Variants in FRYL observed in about 807,000 individuals in gnomAD.
FRYL encodes protein furry homolog-like.
FRYL carries 150 observed loss-of-function variants against 351.2 expected under a neutral mutation model. That is an observed-to-expected ratio of 0.43 (90% CI 0.37 to 0.49). The LOEUF is 0.49. Ranked by LOEUF, FRYL falls within the 20% of genes least tolerant of loss-of-function variation. The pLI, the probability that FRYL is intolerant of heterozygous loss-of-function variation, is 0.00. For missense variants in FRYL, 3,036 were observed against 3,619.3 expected, an observed-to-expected ratio of 0.84 and a Z score of 4.13; for synonymous variants, 1,153 against 1,257.1, an observed-to-expected ratio of 0.92 and a Z score of 1.75.
At position 48,653,646 on chromosome 4, in the gene FRYL, G is replaced by A; in HGVS notation, c.-80-19156C>T. 8.6e-6 allele frequency: 9 copies of A among 1,052,326 alleles called. 1 individual carries two copies. In the South Asian group the frequency reaches 1.2e-4, roughly 14 times the overall value. 65.2% of individuals were successfully genotyped at this position (1,052,326 alleles called of 1,614,324 possible). A position where few individuals can be genotyped will look rare whatever the true frequency, so the allele number is the denominator to read the frequency against. ...CTATTTGGATTGGTCTGAAGAATCA[G>A]CATGCAAGGAATGGCAATGATAATA... On this transcript the variant is annotated intron_variant, in intron 3 of 63. Transcript: ENST00000358350.
At chr4:48,505,275 G>A (rs1348617417) in intron 60 of FRYL, 77 of 451,006 alleles carry the variant, frequency 1.7e-4, no homozygotes, top group Non-Finnish European at 1.8e-4. Flanking sequence ...CTTAAAAGCC[G>A]ACCTGGACTG....
intron 1 of FRYL, among the ~76,000 whole-genome samples, chr4:48,720,274 G>C (rs1384292026): frequency 9.2e-5 from 14 of 151,980 alleles, no homozygotes; most frequent in Admixed American, 9.2e-4. Context: ...GAGGTGGGGA[G>C]ATCATGAGGT....
At chr4:48,632,842 C>T (rs1489693493) in intron 4 of FRYL, among the ~76,000 whole-genome samples, 1 of 152,136 alleles carries the variant, frequency 6.6e-6, no homozygotes, top group African/African-American at 2.4e-5. Context: ...AAAATAAGAG[C>T]ATTGACAATA....
At chr4:48,712,426 A>C (rs2149593339) in intron 1 of FRYL, among the ~76,000 whole-genome samples, 1 of 152,360 alleles carries the variant, frequency 6.6e-6, no homozygotes, top group African/African-American at 2.4e-5. Flanking sequence ...AGAATGCAGA[A>C]GCCTCAAGAG....
At chr4:48,679,590 G>A (rs1013768186) in intron 3 of FRYL, among the ~76,000 whole-genome samples, 2 of 152,014 alleles carry the variant, frequency 1.3e-5, no homozygotes, top group African/African-American at 2.4e-5. Flanking sequence ...CAAAATTGCA[G>A]CTAGATAGGA....
chr4:48,525,955 A>T (rs1726099698), intron 53 of FRYL, among the ~76,000 whole-genome samples: 2 of 151,848 alleles, frequency 1.3e-5, no homozygotes, highest in Non-Finnish European at 2.9e-5. Context: ...ATGAGAGTTG[A>T]TGAATGTGTA....
At chr4:48,627,483 CAA>C (rs1752059942) in intron 4 of FRYL, among the ~76,000 whole-genome samples, 1 of 152,104 alleles carries the variant, frequency 6.6e-6, no homozygotes, top group African/African-American at 2.4e-5. Context: ...TGTTTCATAA[CAA>C]ATCCATACTT....
chr4:48,757,355 C>A (rs1387042712), intron 1 of FRYL, among the ~76,000 whole-genome samples: 2 of 152,126 alleles, frequency 1.3e-5, no homozygotes, highest in African/African-American at 4.8e-5. Flanking sequence ...TGTCTCAGCC[C>A]AAAATCTCCT....
chr4:48,512,446 A>G lies in FRYL; in HGVS notation c.8145+35T>C, dbSNP rs754328241. 2.6e-5 allele frequency: 38 copies of G among 1,460,860 alleles called. 1 individual carries two copies. In the South Asian group the frequency reaches 2.9e-4, roughly 11 times the overall value. The allele number at this position is 1,460,860 out of a possible 1,614,324, so 90.5% of individuals were successfully genotyped here. On this transcript the variant is annotated intron_variant, in intron 57 of 63. Coordinates refer to ENST00000358350, the MANE Select transcript of FRYL (RefSeq NM_015030.2). ...AAAACTGTAACTTGATTAGGTAACT[A>G]TAATATGAATTCAGAAACCCTGAAC...
Position 48,582,505 on chromosome 4 carries a change from C to A in FRYL, c.1978G>T (p.Asp660Tyr). Residue 660 changes from aspartate to tyrosine, a missense_variant, in exon 20 of 64, where the codon GAC becomes TAC. Asp to Tyr is a radical substitution (Grantham distance 160, BLOSUM62 -3). Around this residue, in one of 7 missense-constraint regions of FRYL, gnomAD observed 492 missense variants for 551.5 expected, o/e 0.89. Coordinates refer to ENST00000358350, the MANE Select transcript of FRYL (RefSeq NM_015030.2). ...AGAAAAGAATCTGGTACCTGAGTGT[C>A]CTGGTTTTTATTATGCATTTGGGCT... is the stretch of plus-strand genomic sequence containing the variant. The part of the protein sequence containing the change: ...QAAQMHNKNQ[D>Y]TQHGVANGAS... 6.2e-7 allele frequency: 1 copy of A among 1,606,036 alleles called. No homozygotes were observed. The highest frequency in any genetic ancestry group is 8.5e-7 in the Non-Finnish European group (1 of 1,172,840).
intron 7 of FRYL, among the ~76,000 whole-genome samples, chr4:48,614,009 TG>T (rs1307662170): frequency 1.1e-4 from 16 of 150,512 alleles, no homozygotes; most frequent in Admixed American, 8.6e-4. Context: ...AAGAAAACTT[TG>T]GTCTTATCAT....
chr4:48,675,514 C>T (rs879399367), intron 3 of FRYL, among the ~76,000 whole-genome samples: 1 of 152,250 alleles, frequency 6.6e-6, no homozygotes, highest in Admixed American at 6.5e-5. Context: ...GTACTGGGTC[C>T]CCCAGCAGTG....
intron 10 of FRYL, among the ~76,000 whole-genome samples, 162 bp downstream of exon 10, chr4:48,606,276 G>GA (rs1040447059): frequency 2.3e-4 from 33 of 141,764 alleles, no homozygotes; most frequent in Admixed American, 2.8e-4. Flanking sequence ...CTGTCTCAAG[G>GA]AAAAAAAAAA....
intron 3 of FRYL, among the ~76,000 whole-genome samples, chr4:48,672,322 A>C (rs1762884478): frequency 6.6e-6 from 1 of 152,192 alleles, no homozygotes; most frequent in Non-Finnish European, 1.5e-5. Context: ...GCCCCCCATC[A>C]TGACTGTAGG....
chr4:48,723,170 T>G (rs9790336), intron 1 of FRYL, among the ~76,000 whole-genome samples: 62,834 of 151,716 alleles, frequency 0.41, 14,316 homozygotes, highest in Admixed American at 0.56. Flanking sequence ...TGAGACAGGA[T>G]CTTGCTTTGT....
intron 1 of FRYL, among the ~76,000 whole-genome samples, chr4:48,762,182 T>G (rs1163013518): frequency 6.6e-6 from 1 of 152,206 alleles, no homozygotes; most frequent in Non-Finnish European, 1.5e-5. Context: ...TTTCTATTGT[T>G]TATGAACCAT....
At chr4:48,539,928 T>C in intron 47 of FRYL, 43 bp downstream of exon 47, 1 of 1,393,624 alleles carries the variant, frequency 7.2e-7, no homozygotes, top group Non-Finnish European at 1.0e-6. Flanking sequence ...GACTACAAAA[T>C]AATTTCCCTA....
chr4:48,600,666 C>G (rs1745513297), intron 13 of FRYL, among the ~76,000 whole-genome samples: 1 of 152,034 alleles, frequency 6.6e-6, no homozygotes, highest in African/African-American at 2.4e-5. Flanking sequence ...AACAAAGCAG[C>G]CTTCCAGAAA....
chr4:48,539,462 T>C (rs1185850176), intron 47 of FRYL, among the ~76,000 whole-genome samples: 1 of 152,182 alleles, frequency 6.6e-6, no homozygotes, highest in Non-Finnish European at 1.5e-5. Context: ...TAAGTCAGCT[T>C]AGATATCACT....
Sources: gnomAD v4.1 joint callset for allele counts (sites outside exome capture counted in the v4.1 genomes callset) on GRCh38, gnomAD v4.1.1 for gene constraint, gnomAD v4.1.1 regional missense constraint, MANE v1.5 for transcripts, NCBI Gene and HGNC (gene_info 2026-07-23, HGNC 2026-07-21) for gene names.